Variants in MARCO observed in about 807,000 individuals in gnomAD.
MARCO encodes the protein macrophage receptor MARCO.
A neutral mutation model predicts 70.0 loss-of-function variants in MARCO; 72 were observed. The ratio of observed to expected loss-of-function variants is 1.03; its 90% CI spans 0.85 to 1.25. MARCO has a LOEUF of 1.25. MARCO is among the 50% of genes most tolerant of loss of function. The pLI, the probability that MARCO is intolerant of heterozygous loss-of-function variation, is 0.00. For missense variants in MARCO, 696 were observed against 659.3 expected (o/e 1.06, Z -0.61); for synonymous variants, 273 against 243.1 (o/e 1.12, Z -1.14).
At chr2:118,967,267 T>C (rs972734412) in intron 1 of MARCO, among the ~76,000 whole-genome samples, 3 of 152,088 alleles carry the variant, frequency 2.0e-5, no homozygotes, top group Non-Finnish European at 2.9e-5. Context: ...CAGAAATTAG[T>C]CTTGTGAAAG....
chr2:118,958,607 A>C (rs1679882178), intron 1 of MARCO, among the ~76,000 whole-genome samples: 1 of 152,162 alleles, frequency 6.6e-6, no homozygotes, highest in South Asian at 2.1e-4. Flanking sequence ...ATTCGATGCA[A>C]TCCCCATCAA....
Position 118,970,287 on chromosome 2 carries a change from G to T in MARCO, c.373G>T (p.Val125Phe), listed in dbSNP as rs1362843247. 6.2e-7 allele frequency: 1 copy of T among 1,613,996 alleles called. No individual in the cohort carries two copies. Among genetic ancestry groups the T allele is most frequent in the East Asian group, 2.2e-5 (1 of 44,856 alleles). Reference protein sequence around the residue: ...VLQAQLTWVRVSHEHLLQRVD... With the variant: ...VLQAQLTWVRFSHEHLLQRVD... ...GCAGGCCCAACTCACCTGGGTCCGC[G>T]TCAGCCATGAGCACTTGCTGCAGCG... Residue 125 changes from valine to phenylalanine, a missense_variant, in exon 3 of 17, where the codon GTC (valine) becomes TTC (phenylalanine). Around this residue, in one of 3 missense-constraint regions of MARCO, gnomAD observed 605 missense variants for 537.6 expected, o/e 1.13. Coordinates refer to ENST00000327097, the MANE Select transcript of MARCO (RefSeq NM_006770.4).
At chr2:118,982,842 G>A (rs1680420935) in intron 12 of MARCO, among the ~76,000 whole-genome samples, 1 of 152,144 alleles carries the variant, frequency 6.6e-6, no homozygotes, top group Admixed American at 6.5e-5. Flanking sequence ...TGGGAGCACT[G>A]ACCCACACTA....
In MARCO at chr2:118,969,169, C is replaced by T; in HGVS notation, c.107C>T (p.Pro36Leu). The change falls in exon 2 of 17, where the codon CCC (proline) becomes CTC (leucine). Residue 36 changes from proline (P) to leucine (L), a missense_variant. Transcript: ENST00000327097. ...MEPFEINVPK[P>L]KRRNGVNFSL... is the part of the protein sequence containing the mutation. ...CTGGCTTGTGTTTCAGTTCCAAAGC[C>T]CAAGAGGAGAAATGGGGTGAACTTC... 6.2e-7 allele frequency: 1 copy of T among 1,613,388 alleles called. No homozygotes were observed. Among genetic ancestry groups the T allele is most frequent in the Non-Finnish European group, 8.5e-7 (1 of 1,179,308 alleles).
Position 118,986,678 on chromosome 2 carries a change from AAAG to A in MARCO, c.1064-3908_1064-3906del, listed in dbSNP as rs1213340732. 2.1e-4 allele frequency among the ~76,000 whole-genome samples: 11 copies of A among 53,566 alleles called. 2 individuals carry two copies. The highest frequency in any genetic ancestry group is 7.1e-4 in the African/African-American group (9 of 12,704). 35.1% of individuals were successfully genotyped at this position (53,566 alleles called of 152,430 possible). On this transcript the variant is annotated intron_variant, in intron 12 of 16. Coordinates refer to ENST00000327097, the MANE Select transcript of MARCO (RefSeq NM_006770.4). ...GAAGGAAGGAAGGAAGGAAGGAAAGAAAGAAAGAAAGAAAGAAAGAAAGAAAGA... is the reference window on the plus strand; with the variant it reads ...GAAGGAAGGAAGGAAGGAAGGAAAGAAAAGAAAGAAAGAAAGAAAGAAAGA...
intron 1 of MARCO, among the ~76,000 whole-genome samples, chr2:118,960,349 G>A (rs1679919228): frequency 6.6e-6 from 1 of 152,074 alleles, no homozygotes; most frequent in African/African-American, 2.4e-5. Flanking sequence ...AATCTTAAGG[G>A]AAAAGTGTCC....
intron 1 of MARCO, among the ~76,000 whole-genome samples, chr2:118,958,914 T>C (rs1348070420): frequency 2.6e-5 from 4 of 152,154 alleles, no homozygotes; most frequent in African/African-American, 9.7e-5. Flanking sequence ...CAAATGGTGC[T>C]GGGATAATTG....
At chr2:118,951,770 T>C (rs748538864) in intron 1 of MARCO, among the ~76,000 whole-genome samples, 2 of 152,224 alleles carry the variant, frequency 1.3e-5, no homozygotes, top group Non-Finnish European at 2.9e-5. Context: ...CAGTTTTCTC[T>C]TTACTACTTC....
chr2:118,951,785 T>C (rs1238355330), intron 1 of MARCO, among the ~76,000 whole-genome samples: 1 of 152,154 alleles, frequency 6.6e-6, no homozygotes, highest in South Asian at 2.1e-4. Flanking sequence ...TACTTCCATC[T>C]CTCTCTTTCT....
chr2:118,974,466 T>C (rs11693199), intron 5 of MARCO, 26 bp downstream of exon 5: 582,368 of 1,610,968 alleles, frequency 0.36, 115,417 homozygotes, highest in Non-Finnish European at 0.41. Flanking sequence ...TTCTGACCCT[T>C]AATCATTTTC....
intron 1 of MARCO, among the ~76,000 whole-genome samples, chr2:118,966,281 C>T (rs540321252): frequency 1.3e-5 from 2 of 152,306 alleles, no homozygotes; most frequent in East Asian, 3.9e-4. Context: ...AATCTTTGCC[C>T]ATACTCATCA....
At position 118,970,217 on chromosome 2, in the gene MARCO, C is replaced by A; in HGVS notation, c.303C>A (p.His101Gln). 6.2e-7 allele frequency: 1 copy of A among 1,614,122 alleles called. No individual in the cohort carries two copies. Among genetic ancestry groups the A allele is most frequent in the Non-Finnish European group, 8.5e-7 (1 of 1,180,000 alleles). The change falls in exon 3 of 17, where the codon CAC becomes CAA. Residue 101 changes from histidine to glutamine, a missense_variant. By Grantham distance (24) the His-to-Gln change is conservative. This residue lies in a region of MARCO where 605 missense variants were observed against 537.6 expected (regional missense o/e 1.13). Transcript: ENST00000327097. ...CCTTCTCCTTGCTGCAGTCAGCACA[C>A]CCTGGAGAACACCTGGCTCAGGGTG... ...SPSFSLLQSAHPGEHLAQGAS... is the reference protein window; with the variant it reads ...SPSFSLLQSAQPGEHLAQGAS...
rs114206980 is a variant in MARCO at position 118,964,517 on chromosome 2, T to C, written c.98-4643T>C. Among the ~76,000 whole-genome samples, 1,297 of 152,292 alleles carry C rather than the reference T, an allele frequency of 8.5e-3. 13 individuals are homozygous for C. The highest frequency in any genetic ancestry group is 0.029 in the African/African-American group (1,187 of 41,562). On this transcript the variant is annotated intron_variant, in intron 1 of 16. Coordinates refer to ENST00000327097, the MANE Select transcript of MARCO (RefSeq NM_006770.4). The stretch of plus-strand genomic sequence containing the variant: ...ATAATTCCTGGTTGACAATTCTTCT[T>C]TTTCAGAACACAAAATAAGCTGTAC...
At chr2:118,958,798 T>C (rs973958635) in intron 1 of MARCO, among the ~76,000 whole-genome samples, 1 of 151,976 alleles carries the variant, frequency 6.6e-6, no homozygotes, top group Non-Finnish European at 1.5e-5. Context: ...GGTACCAGTA[T>C]AAAAAATAGC....
Position 118,982,516 on chromosome 2 carries a change from T to C in MARCO, c.1063+106T>C, listed in dbSNP as rs968754545. The C allele has an allele frequency of 1.8e-5, 20 of 1,111,414 alleles. 1 individual carries two copies. Among genetic ancestry groups the C allele is most frequent in the Non-Finnish European group, 2.6e-5 (19 of 730,928 alleles). 68.8% of individuals were successfully genotyped at this position (1,111,414 alleles called of 1,614,324 possible). ...CCCACGGAGGAGGCAGAGGGTCTTC[T>C]GTGCCTTGGCCTCTGAGGTTCCTGG... On this transcript the variant is annotated intron_variant, in intron 12 of 16. Coordinates refer to ENST00000327097, the MANE Select transcript of MARCO (RefSeq NM_006770.4).
At chr2:118,964,255 A>AT (rs1558834480) in intron 1 of MARCO, among the ~76,000 whole-genome samples, 3 of 152,208 alleles carry the variant, frequency 2.0e-5, no homozygotes, top group Non-Finnish European at 4.4e-5. Context: ...ATCAAATGTG[A>AT]TTTTTAAAAC....
intron 12 of MARCO, among the ~76,000 whole-genome samples, chr2:118,990,088 C>T (rs1275307945): frequency 6.6e-6 from 1 of 152,154 alleles, no homozygotes; most frequent in Admixed American, 6.5e-5. Flanking sequence ...GACCCTTTAG[C>T]CACATGAATC....
At chr2:118,988,103 G>C (rs573944884) in intron 12 of MARCO, among the ~76,000 whole-genome samples, 46 of 152,308 alleles carry the variant, frequency 3.0e-4, no homozygotes, top group African/African-American at 1.0e-3. Flanking sequence ...GCCTTGGAGG[G>C]TGGCTGAAAG....
chr2:118,977,666 A>G, intron 7 of MARCO, 151 bp downstream of exon 7: 4 of 833,768 alleles, frequency 4.8e-6, no homozygotes, highest in Non-Finnish European at 7.6e-6. Context: ...GAGTCCTGTC[A>G]CATTTCTTCA....
Sources: gnomAD v4.1 joint callset for allele counts (sites outside exome capture counted in the v4.1 genomes callset) on GRCh38, gnomAD v4.1.1 for gene constraint, gnomAD v4.1.1 regional missense constraint, MANE v1.5 for transcripts, NCBI Gene and HGNC (gene_info 2026-07-23, HGNC 2026-07-21) for gene names.